XYLT1: variants seen among roughly 807,000 people sequenced by gnomAD.
XYLT1 encodes the protein beta-D-xylosyltransferase 1.
In XYLT1, 36 loss-of-function variants were observed where a neutral mutation model predicts 91.3. The ratio of observed to expected loss-of-function variants is 0.39; its 90% CI spans 0.30 to 0.52. The LOEUF is 0.52. XYLT1 is among the 20% of genes least tolerant of loss of function. The pLI is 0.68. For missense variants in XYLT1, 1,242 were observed against 1,284.5 expected (o/e 0.97, Z 0.51); for synonymous variants, 588 against 532.0 (o/e 1.11, Z -1.45).
intron 1 of XYLT1, among the ~76,000 whole-genome samples, chr16:17,451,791 C>T (rs1196327604): frequency 6.6e-6 from 1 of 152,076 alleles, no homozygotes; most frequent in Non-Finnish European, 1.5e-5. Context: ...GCTCAAGGCA[C>T]TCAGTAATGA....
At chr16:17,388,128 A>T (rs749005390) in intron 1 of XYLT1, among the ~76,000 whole-genome samples, 7 of 152,218 alleles carry the variant, frequency 4.6e-5, no homozygotes, top group Non-Finnish European at 7.3e-5. Flanking sequence ...TTAGCCTACA[A>T]TTAGGCAAAA....
intron 1 of XYLT1, among the ~76,000 whole-genome samples, chr16:17,464,370 T>C (rs931707042): frequency 1.3e-5 from 2 of 151,488 alleles, no homozygotes; most frequent in Admixed American, 1.3e-4. Flanking sequence ...CGGGTGCCTG[T>C]AATCCCAGCT....
chr16:17,454,255 TG>T (rs2036705842), intron 1 of XYLT1, among the ~76,000 whole-genome samples: 1 of 152,232 alleles, frequency 6.6e-6, no homozygotes, highest in Non-Finnish European at 1.5e-5. Flanking sequence ...GGCCCCAAAC[TG>T]GGAACTTCCC....
rs1274463302 is a variant in XYLT1 at position 17,104,700 on chromosome 16, T to G, written c.*3995A>C. ...CGTTGAAAAATCAGATTTTTTCCAT[T>G]AAATCTGGATTTCCGGCTTCCCTTC... is the stretch of plus-strand genomic sequence containing the variant. On this transcript the variant is annotated 3_prime_UTR_variant, in exon 12 of 12. Transcript: ENST00000261381. 1.3e-5 allele frequency: 2 copies of G among 152,208 alleles called. No homozygotes were observed. Among genetic ancestry groups the G allele is most frequent in the African/African-American group, 4.8e-5 (2 of 41,462 alleles). 9.4% of individuals were successfully genotyped at this position (152,208 alleles called of 1,614,324 possible). A position where few individuals can be genotyped will look rare whatever the true frequency, so the allele number is the denominator to read the frequency against.
At chr16:17,346,591 C>A (rs2035147028) in intron 2 of XYLT1, among the ~76,000 whole-genome samples, 1 of 152,112 alleles carries the variant, frequency 6.6e-6, no homozygotes, top group Non-Finnish European at 1.5e-5. Context: ...CAAAGGCAAC[C>A]CATGTGCAGG....
intron 4 of XYLT1, 41 bp from the exon 5 acceptor site, chr16:17,198,455 A>C: frequency 6.3e-7 from 1 of 1,592,494 alleles, no homozygotes; most frequent in Non-Finnish European, 8.6e-7. Flanking sequence ...TCAGTGGCCT[A>C]GAAAATACCC....
rs187425335 is a variant in XYLT1, at chr16:17,424,293, A to C, written c.363+46141T>G. Among the ~76,000 whole-genome samples the C allele has an allele frequency of 2.0e-5, 3 of 152,366 alleles. No homozygotes were observed. In the East Asian group the frequency reaches 5.8e-4, roughly 29 times the overall value. ...AATGAAAGCAAGGACACCTTCTAGC[A>C]AACCTGAGAGAACTGAACAAGATAA... On this transcript the variant is annotated intron_variant, in intron 1 of 11. Coordinates refer to ENST00000261381, the MANE Select transcript of XYLT1 (RefSeq NM_022166.4).
chr16:17,234,873 C>A (rs1483405695), intron 3 of XYLT1, among the ~76,000 whole-genome samples: 1 of 152,004 alleles, frequency 6.6e-6, no homozygotes, highest in African/African-American at 2.4e-5. Flanking sequence ...CATAATAAAA[C>A]AGATTATGCT....
chr16:17,230,557 C>T (rs938435203), intron 3 of XYLT1, among the ~76,000 whole-genome samples: 3 of 152,194 alleles, frequency 2.0e-5, no homozygotes, highest in Non-Finnish European at 4.4e-5. Context: ...ATGAGAAAAT[C>T]CAAAGGCTTG....
chr16:17,273,900 G>GGTCA (rs1044061103), intron 2 of XYLT1, among the ~76,000 whole-genome samples: 1 of 151,332 alleles, frequency 6.6e-6, no homozygotes, highest in African/African-American at 2.4e-5. Flanking sequence ...TCATTCATTC[G>GGTCA]GTCAGTCAGT....
At chr16:17,131,337 A>G (rs536895857) in intron 9 of XYLT1, among the ~76,000 whole-genome samples, 27 of 152,342 alleles carry the variant, frequency 1.8e-4, no homozygotes, top group African/African-American at 6.0e-4. Flanking sequence ...ACAACCAATC[A>G]TCATCTACAG....
chr16:17,405,619 T>C (rs531858088), intron 1 of XYLT1, among the ~76,000 whole-genome samples: 38 of 152,138 alleles, frequency 2.5e-4, no homozygotes, highest in Non-Finnish European at 4.6e-4. Flanking sequence ...ATGCAAGAAC[T>C]GAATGACGCC....
At chr16:17,358,128 TC>T in intron 1 of XYLT1, 78 bp from the exon 2 acceptor site, 3 of 1,352,708 alleles carry the variant, frequency 2.2e-6, no homozygotes, top group Admixed American at 2.4e-5. Flanking sequence ...TTTCTTTCTT[TC>T]CTTTTTTTTT....
At chr16:17,212,531 T>C (rs932414525) in intron 3 of XYLT1, among the ~76,000 whole-genome samples, 30 of 152,168 alleles carry the variant, frequency 2.0e-4, no homozygotes, top group African/African-American at 7.2e-4. Context: ...CTTTGGCTGT[T>C]GCCTCAAATG....
At chr16:17,172,457 C>T (rs916411890) in intron 5 of XYLT1, among the ~76,000 whole-genome samples, 1 of 145,758 alleles carries the variant, frequency 6.9e-6, no homozygotes, top group Non-Finnish European at 1.5e-5. Flanking sequence ...CCAAAGACTG[C>T]GTTCATTTCT....
chr16:17,197,912 T>C (rs2032461936), intron 5 of XYLT1: 1 of 434,558 alleles, frequency 2.3e-6, no homozygotes, highest in Admixed American at 3.7e-5. Context: ...CCTATCCTGT[T>C]AGTTCTGTCC....
At chr16:17,146,527 C>G (rs950782759) in intron 6 of XYLT1, among the ~76,000 whole-genome samples, 1 of 151,982 alleles carries the variant, frequency 6.6e-6, no homozygotes, top group Non-Finnish European at 1.5e-5. Flanking sequence ...GTGAAGCAGC[C>G]TGAATACGAA....
At chr16:17,208,116 A>G (rs1443478108) in intron 3 of XYLT1, among the ~76,000 whole-genome samples, 1 of 151,982 alleles carries the variant, frequency 6.6e-6, no homozygotes, top group Non-Finnish European at 1.5e-5. Context: ...CCTCCCAAGT[A>G]GCTGGGACTA....
chr16:17,314,697 A>T (rs2034599960), intron 2 of XYLT1, among the ~76,000 whole-genome samples: 1 of 152,202 alleles, frequency 6.6e-6, no homozygotes, highest in Non-Finnish European at 1.5e-5. Flanking sequence ...AAAATCAATA[A>T]TCAAAGTGAT....
Sources: gnomAD v4.1 joint callset for allele counts (sites outside exome capture counted in the v4.1 genomes callset) on GRCh38, gnomAD v4.1.1 for gene constraint, MANE v1.5 for transcripts, NCBI Gene and HGNC (gene_info 2026-07-23, HGNC 2026-07-21) for gene names.